L3MBTL4: variants seen among roughly 807,000 people sequenced by gnomAD.
The protein encoded by L3MBTL4 is L3MBTL histone methyl-lysine binding protein 4.
Under a neutral mutation model 84.5 loss-of-function variants are expected in L3MBTL4, and 70 were observed. The ratio of observed to expected loss-of-function variants is 0.83; its 90% CI spans 0.68 to 1.01. The LOEUF is 1.01. Among genes scored for constraint, L3MBTL4 ranks in the 50% least tolerant of loss-of-function variants. L3MBTL4 has a pLI of 0.00. For synonymous variants in L3MBTL4, 274 were observed against 259.8 expected (o/e 1.05, Z -0.52); for missense variants, 715 against 754.8 (o/e 0.95, Z 0.62).
chr18:6,169,777 A>G (rs961572033), intron 13 of L3MBTL4, among the ~76,000 whole-genome samples: 2 of 152,006 alleles, frequency 1.3e-5, no homozygotes, highest in Admixed American at 6.6e-5. Flanking sequence ...ATGTACACAT[A>G]TGTAACAAAC....
chr18:6,297,194 T>C (rs192598344), intron 4 of L3MBTL4, among the ~76,000 whole-genome samples: 4 of 152,328 alleles, frequency 2.6e-5, no homozygotes, highest in Admixed American at 1.3e-4. Flanking sequence ...GGTGAGTTGA[T>C]GGCAGATGAG....
chr18:6,359,222 A>C (rs7228212), intron 1 of L3MBTL4, among the ~76,000 whole-genome samples: 21,872 of 152,226 alleles, frequency 0.14, 2,204 homozygotes, highest in East Asian at 0.3. Context: ...CACTTTGGGA[A>C]GCCAAAGTAG....
chr18:6,202,584 C>A (rs1192503314), intron 12 of L3MBTL4, among the ~76,000 whole-genome samples: 1 of 151,938 alleles, frequency 6.6e-6, no homozygotes, highest in Non-Finnish European at 1.5e-5. Flanking sequence ...AAGGGGACTG[C>A]AGTCATAGGA....
intron 5 of L3MBTL4, chr18:6,256,632 T>C (rs1217705272): frequency 6.6e-6 from 1 of 151,598 alleles, no homozygotes; most frequent in African/African-American, 2.4e-5. Context: ...CGATTGTGCC[T>C]TGTTTAGAGA....
intron 16 of L3MBTL4, among the ~76,000 whole-genome samples, chr18:6,078,295 T>C (rs1394912773): frequency 3.3e-5 from 5 of 150,240 alleles, no homozygotes; most frequent in Non-Finnish European, 5.9e-5. Flanking sequence ...GATGTGGCGG[T>C]GTGAGCCTGT....
At chr18:6,204,966 A>G (rs1401879489) in intron 12 of L3MBTL4, among the ~76,000 whole-genome samples, 1 of 152,222 alleles carries the variant, frequency 6.6e-6, no homozygotes, top group African/African-American at 2.4e-5. Flanking sequence ...TTTTTACTGA[A>G]TATTTTACTT....
At chr18:6,253,166 C>T (rs1188151432) in intron 5 of L3MBTL4, among the ~76,000 whole-genome samples, 1 of 152,170 alleles carries the variant, frequency 6.6e-6, no homozygotes, top group Non-Finnish European at 1.5e-5. Context: ...CACACCACTG[C>T]ACTCCAGCCT....
At chr18:6,101,405 C>T (rs1403812943) in intron 14 of L3MBTL4, among the ~76,000 whole-genome samples, 1 of 152,142 alleles carries the variant, frequency 6.6e-6, no homozygotes, top group African/African-American at 2.4e-5. Context: ...TTCCCCTTTT[C>T]TGGAAGCAGA....
At chr18:6,292,671 A>C (rs901757877) in intron 4 of L3MBTL4, among the ~76,000 whole-genome samples, 1 of 152,196 alleles carries the variant, frequency 6.6e-6, no homozygotes, top group African/African-American at 2.4e-5. Flanking sequence ...TTTGATCAAA[A>C]GGGGGAAATG....
chr18:6,118,058 C>G (rs1473152901), intron 14 of L3MBTL4, among the ~76,000 whole-genome samples: 1 of 152,072 alleles, frequency 6.6e-6, no homozygotes, highest in Non-Finnish European at 1.5e-5. Flanking sequence ...AGTCTCAGAA[C>G]CAAGTTGTAG....
chr18:6,120,591 CAG>C (rs1436279360), intron 14 of L3MBTL4, among the ~76,000 whole-genome samples: 2 of 152,168 alleles, frequency 1.3e-5, no homozygotes, highest in Non-Finnish European at 2.9e-5. Context: ...AGTCAGAAAA[CAG>C]AACATAAACC....
chr18:6,413,027 G>C (rs750365932), intron 1 of L3MBTL4, among the ~76,000 whole-genome samples: 1 of 152,150 alleles, frequency 6.6e-6, no homozygotes. Flanking sequence ...TAAGGCTGCA[G>C]TGAGCCATGA....
At chr18:6,315,109 G>A (rs1228697171) in intron 1 of L3MBTL4, among the ~76,000 whole-genome samples, 6 of 152,150 alleles carry the variant, frequency 3.9e-5, no homozygotes, top group African/African-American at 1.4e-4. Flanking sequence ...AGAGTGGCCT[G>A]GGTGTTCACA....
At chr18:6,321,637 T>C (rs928810321) in intron 1 of L3MBTL4, among the ~76,000 whole-genome samples, 40 of 152,278 alleles carry the variant, frequency 2.6e-4, no homozygotes, top group African/African-American at 8.7e-4. Context: ...TGCAAAGATA[T>C]GGAACCAACC....
rs541467915 is a variant in L3MBTL4 at position 6,269,669 on chromosome 18, G to A, written c.128-5631C>T. On this transcript the variant is annotated intron_variant, in intron 4 of 18. Transcript: ENST00000317931. ...ATCCAACAATAGAAGTCAAATTATC[G>A]TTATGATCACACATTACTTTTTAAA... Among the ~76,000 whole-genome samples, 522 of 152,222 alleles carry A rather than the reference G, an allele frequency of 3.4e-3. 7 individuals are homozygous for A. Among genetic ancestry groups the A allele is most frequent in the African/African-American group, 0.012 (505 of 41,548 alleles).
chr18:6,208,707 C>A (rs1049526835), intron 12 of L3MBTL4, among the ~76,000 whole-genome samples: 1 of 152,192 alleles, frequency 6.6e-6, no homozygotes. Context: ...AATGGGCTTT[C>A]AGATATAACA....
chr18:6,286,821 GCT>G (rs2049613839), intron 4 of L3MBTL4, among the ~76,000 whole-genome samples: 3 of 151,996 alleles, frequency 2.0e-5, no homozygotes, highest in South Asian at 2.1e-4. Flanking sequence ...CCTGATTGTC[GCT>G]CTGTTTCATC....
intron 12 of L3MBTL4, among the ~76,000 whole-genome samples, chr18:6,184,314 T>C (rs548058313): frequency 1.2e-4 from 18 of 152,322 alleles, no homozygotes; most frequent in Non-Finnish European, 2.2e-4. Flanking sequence ...AGAAACCGTA[T>C]TTTCTATTTT....
At chr18:6,153,815 TGAA>T (rs1474049240) in intron 13 of L3MBTL4, among the ~76,000 whole-genome samples, 3 of 152,204 alleles carry the variant, frequency 2.0e-5, no homozygotes, top group African/African-American at 7.2e-5. Flanking sequence ...TGCCACCTTG[TGAA>T]GAAGATGCCT....
Sources: allele counts gnomAD v4.1 joint callset (sites outside exome capture counted in the v4.1 genomes callset), GRCh38; gene constraint gnomAD v4.1.1; transcripts MANE v1.5; gene names NCBI Gene and HGNC (gene_info 2026-07-23, HGNC 2026-07-21).